The following MARCHF3 variants were observed in gnomAD, a reference collection of about 807,000 sequenced individuals.
MARCHF3 encodes the protein E3 ubiquitin-protein ligase MARCHF3.
MARCHF3 carries 13 observed loss-of-function variants against 24.2 expected under a neutral mutation model. That is an observed-to-expected ratio of 0.54 (90% CI 0.35 to 0.85). MARCHF3 has a LOEUF of 0.85. Ranked by LOEUF, MARCHF3 falls within the 40% of genes least tolerant of loss-of-function variation. MARCHF3 has a pLI of 0.01. For synonymous variants in MARCHF3, 144 were observed against 137.3 expected, an observed-to-expected ratio of 1.05 and a Z score of -0.34; for missense variants, 276 against 325.0, an observed-to-expected ratio of 0.85 and a Z score of 1.16.
chr5:126,917,848 T>A, intron 2 of MARCHF3, 136 bp downstream of exon 2: 1 of 505,438 alleles, frequency 2.0e-6, no homozygotes, highest in Non-Finnish European at 2.9e-6. Context: ...CGTGTAGTCT[T>A]TTTTTTTTTT....
chr5:126,983,479 G>C (rs1251111841), intron 1 of MARCHF3, among the ~76,000 whole-genome samples: 1 of 152,200 alleles, frequency 6.6e-6, no homozygotes, highest in African/African-American at 2.4e-5. Context: ...ACTTAGGGCA[G>C]GGATCTAAAT....
intron 3 of MARCHF3, among the ~76,000 whole-genome samples, chr5:126,880,089 C>T (rs1345961133): frequency 3.3e-5 from 5 of 151,680 alleles, no homozygotes; most frequent in Admixed American, 6.6e-5. Context: ...AAGCATGGAA[C>T]GACAAAATAG....
At chr5:127,009,338 C>G (rs1752408360) in intron 1 of MARCHF3, among the ~76,000 whole-genome samples, 1 of 152,022 alleles carries the variant, frequency 6.6e-6, no homozygotes, top group Admixed American at 6.6e-5. Context: ...GATTTGTTGA[C>G]AAAAACAAGA....
rs566021632 is a variant in MARCHF3, at chr5:126,914,052, G to A, written c.393+878C>T. ...AGGCTGGAGTGCAGTGGTGCGATCT[G>A]GGCTCACTGCAAGCTCCGCCATCCA... is the stretch of plus-strand genomic sequence containing the variant. On this transcript the variant is annotated intron_variant, in intron 3 of 4. Transcript: ENST00000308660. Among the ~76,000 whole-genome samples the A allele has an allele frequency of 2.1e-5, 3 of 141,614 alleles. No homozygotes were observed. In the Admixed American group the frequency reaches 2.3e-4, roughly 11 times the overall value. The allele number at this position is 141,614 out of a possible 152,430, so 92.9% of individuals were successfully genotyped here. A position where few individuals can be genotyped will look rare whatever the true frequency, so the allele number is the denominator to read the frequency against.
intron 1 of MARCHF3, among the ~76,000 whole-genome samples, chr5:126,929,577 C>A (rs1749414514): frequency 6.6e-6 from 1 of 152,158 alleles, no homozygotes; most frequent in African/African-American, 2.4e-5. Flanking sequence ...ATGATTTACA[C>A]AAAAAAGTCA....
chr5:126,890,524 G>A (rs1408866734), intron 3 of MARCHF3, among the ~76,000 whole-genome samples: 1 of 149,150 alleles, frequency 6.7e-6, no homozygotes, highest in Admixed American at 6.8e-5. Context: ...ACCTATGAGT[G>A]AGAATATGCA....
intron 1 of MARCHF3, among the ~76,000 whole-genome samples, chr5:126,997,942 T>C (rs564960306): frequency 3.3e-5 from 5 of 152,278 alleles, no homozygotes; most frequent in South Asian, 2.1e-4. Flanking sequence ...AAAGAAAATA[T>C]TGAAGCACTT....
chr5:126,916,002 T>C (rs1296867263), intron 2 of MARCHF3, among the ~76,000 whole-genome samples: 1 of 152,178 alleles, frequency 6.6e-6, no homozygotes, highest in Admixed American at 6.5e-5. Flanking sequence ...ATGATGACAG[T>C]GAGCATGTGA....
At chr5:126,892,155 C>G (rs1226998736) in intron 3 of MARCHF3, among the ~76,000 whole-genome samples, 4 of 147,744 alleles carry the variant, frequency 2.7e-5, no homozygotes, top group Non-Finnish European at 6.0e-5. Context: ...TGAGACTTTG[C>G]TGAAGTTGCT....
At chr5:127,001,662 CCAAGT>C in intron 1 of MARCHF3, among the ~76,000 whole-genome samples, 1 of 152,276 alleles carries the variant, frequency 6.6e-6, no homozygotes, top group East Asian at 1.9e-4. Context: ...GTCACCCTAC[CCAAGT>C]CATCATCAGA....
chr5:126,939,294 C>A (rs1749749826), intron 1 of MARCHF3, among the ~76,000 whole-genome samples: 1 of 152,186 alleles, frequency 6.6e-6, no homozygotes, highest in Non-Finnish European at 1.5e-5. Context: ...TCTTCATGCC[C>A]TTTCATTTGA....
intron 3 of MARCHF3, among the ~76,000 whole-genome samples, chr5:126,914,133 G>A (rs1361616158): frequency 6.6e-5 from 10 of 151,590 alleles, no homozygotes; most frequent in Non-Finnish European, 1.0e-4. Flanking sequence ...ACAGGCACCC[G>A]CCACCATGCC....
intron 1 of MARCHF3, among the ~76,000 whole-genome samples, chr5:126,968,803 C>T (rs1026364683): frequency 9.9e-5 from 15 of 151,984 alleles, no homozygotes; most frequent in Non-Finnish European, 2.1e-4. Flanking sequence ...TTGAACTCTA[C>T]CCAGGCCTCC....
At position 126,881,998 on chromosome 5, in the gene MARCHF3, G is replaced by A. The variant is rs904300166; in HGVS notation, c.394-3604C>T. Among the ~76,000 whole-genome samples, 15 of 152,222 alleles carry A rather than the reference G, an allele frequency of 9.9e-5. No homozygotes were observed. The South Asian group carries it at 3.1e-3, about 32-fold the overall frequency. Reference sequence around the variant, plus strand: ...TGGGGCAGGCTCAGTGCTACAGCTTGGAGTTTATTATGCAATATCTCACTA... The same window carrying A: ...TGGGGCAGGCTCAGTGCTACAGCTTAGAGTTTATTATGCAATATCTCACTA... On this transcript the variant is annotated intron_variant, in intron 3 of 4. Coordinates refer to ENST00000308660, the MANE Select transcript of MARCHF3 (RefSeq NM_178450.5).
chr5:126,973,254 T>C (rs1034449790), intron 1 of MARCHF3, among the ~76,000 whole-genome samples: 6 of 152,238 alleles, frequency 3.9e-5, no homozygotes, highest in Admixed American at 3.3e-4. Flanking sequence ...CTGGGTGCCA[T>C]TTCACAACCT....
chr5:127,029,761 G>A (rs1561480869), intron 1 of MARCHF3, among the ~76,000 whole-genome samples: 1 of 152,206 alleles, frequency 6.6e-6, no homozygotes, highest in African/African-American at 2.4e-5. Context: ...GTGGAGGTCC[G>A]AGCACCTCAG....
intron 1 of MARCHF3, among the ~76,000 whole-genome samples, chr5:127,016,990 C>T (rs1356198303): frequency 1.3e-5 from 2 of 152,136 alleles, no homozygotes; most frequent in East Asian, 3.9e-4. Flanking sequence ...TGGAAACCAC[C>T]ATTCTCAGCA....
intron 3 of MARCHF3, among the ~76,000 whole-genome samples, chr5:126,897,883 T>C (rs938215105): frequency 4.6e-5 from 7 of 152,110 alleles, no homozygotes; most frequent in African/African-American, 1.7e-4. Flanking sequence ...AAGATACATT[T>C]TCTATAAAAT....
chr5:126,939,882 A>G (rs1749771555), intron 1 of MARCHF3, among the ~76,000 whole-genome samples: 1 of 152,158 alleles, frequency 6.6e-6, no homozygotes, highest in Non-Finnish European at 1.5e-5. Flanking sequence ...CATTGAACTC[A>G]TGACCAACAG....
Sources: gnomAD v4.1 joint callset for allele counts (sites outside exome capture counted in the v4.1 genomes callset) on GRCh38, gnomAD v4.1.1 for gene constraint, MANE v1.5 for transcripts, NCBI Gene and HGNC (gene_info 2026-07-23, HGNC 2026-07-21) for gene names.